ATAD3B: variants seen among roughly 807,000 people sequenced by gnomAD.
ATAD3B encodes ATPase family AAA domain containing 3B, also known as ATPase family AAA domain-containing protein 3B.
Under a neutral mutation model 70.2 loss-of-function variants are expected in ATAD3B, and 59 were observed. The observed-to-expected ratio is 0.84, with a 90% CI of 0.68 to 1.04. The LOEUF is 1.04. Ranked by LOEUF, ATAD3B falls within the 50% of genes least tolerant of loss-of-function variation. ATAD3B has a pLI of 0.00. For missense variants in ATAD3B, 961 were observed against 913.4 expected, an observed-to-expected ratio of 1.05 and a Z score of -0.67; for synonymous variants, 423 against 388.6, an observed-to-expected ratio of 1.09 and a Z score of -1.04.
At chr1:1,479,956 G>A (rs144681855) in intron 4 of ATAD3B, among the ~76,000 whole-genome samples, 2,352 of 139,424 alleles carry the variant, frequency 0.017, 220 homozygotes, top group South Asian at 0.031. Context: ...GCACACACGG[G>A]CACACCCCAC....
chr1:1,473,179 G>C (rs1639421016), intron 1 of ATAD3B, among the ~76,000 whole-genome samples: 1 of 118,392 alleles, frequency 8.4e-6, no homozygotes, highest in Non-Finnish European at 1.6e-5. Flanking sequence ...TCGCTCTGTC[G>C]CCCAGGCTGG....
Position 1,485,007 on chromosome 1 carries a change from C to T in ATAD3B, c.751-9C>T. The T allele has an allele frequency of 5.6e-6, 9 of 1,600,378 alleles. No homozygotes were observed. The highest frequency in any genetic ancestry group is 7.7e-6 in the Non-Finnish European group (9 of 1,174,746). On this transcript the variant is annotated splice_polypyrimidine_tract_variant and intron_variant, in intron 7 of 15. Coordinates refer to ENST00000673477, the MANE Select transcript of ATAD3B (RefSeq NM_031921.6). ...GGGCCGGTGCGCCAGTGCGGTGTCT[C>T]TGCTGCAGGTGGCTGGGCTGACGCT...
intron 1 of ATAD3B, among the ~76,000 whole-genome samples, 200 bp from the exon 2 acceptor site, chr1:1,477,074 G>C (rs879457770): frequency 6.6e-6 from 1 of 151,702 alleles, no homozygotes; most frequent in Non-Finnish European, 1.5e-5. Context: ...GCAGCAGTGT[G>C]ATCTGGGTGA....
chr1:1,485,977 G>T, intron 9 of ATAD3B, 133 bp from the exon 10 acceptor site: 1 of 1,590,818 alleles, frequency 6.3e-7, no homozygotes, highest in South Asian at 1.1e-5. Context: ...CTGTGCCGGG[G>T]ATAGATAGGC....
chr1:1,473,323 T>C (rs1157977881), intron 1 of ATAD3B, among the ~76,000 whole-genome samples: 2 of 143,854 alleles, frequency 1.4e-5, no homozygotes, highest in African/African-American at 5.2e-5. Context: ...AGAGATGGGG[T>C]TTCACCGTGT....
chr1:1,473,545 G>A (rs1639440268), intron 1 of ATAD3B, among the ~76,000 whole-genome samples: 2 of 149,218 alleles, frequency 1.3e-5, no homozygotes, highest in Admixed American at 1.3e-4. Context: ...GGCCAGGCTG[G>A]AGTGCAATGG....
Position 1,474,154 on chromosome 1 carries a change from G to C in ATAD3B, c.205+2065G>C, listed in dbSNP as rs141454991. Among the ~76,000 whole-genome samples the C allele has an allele frequency of 1.1e-3, 169 of 151,932 alleles. 5 individuals carry two copies. The East Asian group carries it at 0.031, about 28-fold the overall frequency. On this transcript the variant is annotated intron_variant, in intron 1 of 15. Coordinates refer to ENST00000673477, the MANE Select transcript of ATAD3B (RefSeq NM_031921.6). ...ACCGTCTCAGCCTCCTGAGGAGAGG[G>C]GACTGCAGGCTTGCTCGGTAATTTT...
downstream of ATAD3B, among the ~76,000 whole-genome samples, chr1:1,498,710 T>C (rs1640873093): frequency 6.7e-6 from 1 of 148,976 alleles, no homozygotes; most frequent in Non-Finnish European, 1.5e-5. Flanking sequence ...GCCCGGCCTG[T>C]TTGTTTTTTT....
the ATAD3B span, among the ~76,000 whole-genome samples, chr1:1,505,690 C>T: frequency 2.0e-5 from 3 of 152,130 alleles, no homozygotes; most frequent in Non-Finnish European, 4.4e-5. Context: ...GGCTCGCACT[C>T]TTGTCTTCCG....
chr1:1,491,413 C>G (rs1182713419), intron 15 of ATAD3B, among the ~76,000 whole-genome samples: 1 of 152,010 alleles, frequency 6.6e-6, no homozygotes, highest in African/African-American at 2.4e-5. Context: ...TGCCTGTTAT[C>G]CCAGCCACAC....
At chr1:1,509,175 G>C in the ATAD3B span, 1 of 1,608,580 alleles carries the variant, frequency 6.2e-7, no homozygotes, top group Non-Finnish European at 8.5e-7. Context: ...TCCCATGGCG[G>C]CCTCCCTCAG....
chr1:1,507,933 C>T, the ATAD3B span, among the ~76,000 whole-genome samples: 13 of 152,352 alleles, frequency 8.5e-5, no homozygotes, highest in Admixed American at 4.6e-4. Flanking sequence ...GCCCCACCCG[C>T]GACTGGGTCT....
the ATAD3B span, among the ~76,000 whole-genome samples, chr1:1,508,273 C>G: frequency 6.6e-6 from 1 of 151,462 alleles, no homozygotes; most frequent in African/African-American, 2.5e-5. Flanking sequence ...CAGTGTCTCC[C>G]CACACAGTGG....
chr1:1,489,061 C>T, intron 12 of ATAD3B, 143 bp from the exon 13 acceptor site: 4 of 1,437,902 alleles, frequency 2.8e-6, no homozygotes, highest in Middle Eastern at 2.4e-4. Context: ...CGCCCCTGGC[C>T]CTGGTCAGGA....
Position 1,485,835 on chromosome 1 carries a change from T to G in ATAD3B, c.960T>G (p.Leu320=). 6.2e-7 allele frequency: 1 copy of G among 1,612,838 alleles called. No homozygotes were observed. Among genetic ancestry groups the G allele is most frequent in the Non-Finnish European group, 8.5e-7 (1 of 1,179,390 alleles). ...AGGACGTGCTGGAGGGTGTTGTGCT[T>G]AGTGTAAGTCGGTGTGCCTGGGACC... is the stretch of plus-strand genomic sequence containing the variant. ...RPQDVLEGVV[L]SPSLEARVRD... is the part of the protein sequence containing the mutation. Residue 320 remains leucine, a synonymous_variant, in exon 9 of 16, where the codon CTT becomes CTG. Transcript: ENST00000673477.
At chr1:1,485,859 C>A in intron 9 of ATAD3B, 21 bp downstream of exon 9, 3 of 1,612,792 alleles carry the variant, frequency 1.9e-6, no homozygotes, top group Non-Finnish European at 2.5e-6. Context: ...GTGCCTGGGA[C>A]CGGGGAGGTG....
chr1:1,479,392 A>T (rs1250704441), intron 4 of ATAD3B, among the ~76,000 whole-genome samples: 1 of 144,754 alleles, frequency 6.9e-6, no homozygotes, highest in Non-Finnish European at 1.5e-5. Context: ...CCCTGCACAC[A>T]TGGGCACACA....
the ATAD3B span, among the ~76,000 whole-genome samples, chr1:1,508,696 A>G: frequency 0.027 from 4,056 of 150,318 alleles, 206 homozygotes; most frequent in African/African-American, 0.067. Flanking sequence ...CAGCCTTCAC[A>G]TGCTAGATGC....
chr1:1,508,299 G>A, the ATAD3B span, among the ~76,000 whole-genome samples: 1 of 151,506 alleles, frequency 6.6e-6, no homozygotes, highest in East Asian at 1.9e-4. Context: ...GGCGAGGGAT[G>A]GGCGCTGGCA....
Sources: gnomAD v4.1 joint callset for allele counts (sites outside exome capture counted in the v4.1 genomes callset) on GRCh38, gnomAD v4.1.1 for gene constraint, MANE v1.5 for transcripts, NCBI Gene and HGNC (gene_info 2026-07-23, HGNC 2026-07-21) for gene names.